The following CCDC192 variants were observed in gnomAD, a reference collection of about 807,000 sequenced individuals.
CCDC192 encodes the protein coiled-coil domain containing 192.
intron 3 of CCDC192, among the ~76,000 whole-genome samples, chr5:127,772,035 T>C (rs1040566194): frequency 4.6e-5 from 7 of 152,320 alleles, no homozygotes; most frequent in Admixed American, 2.0e-4. Context: ...TTTCTTCCAC[T>C]GCACAGGCCA....
At position 127,828,324 on chromosome 5, in the gene CCDC192, A is replaced by C. The variant is rs879398442; in HGVS notation, c.411+30162A>C. Among the ~76,000 whole-genome samples, 29 of 152,242 alleles carry C rather than the reference A, an allele frequency of 1.9e-4. 1 individual carries two copies. The highest frequency in any genetic ancestry group is 6.8e-4 in the African/African-American group (28 of 41,472). The stretch of plus-strand genomic sequence containing the variant: ...TATATGTGGTCTCGAGAAAAGGTTA[A>C]GCTTCTCCTGAGTAATTAGAAACCC... On this transcript the variant is annotated intron_variant, in intron 5 of 6. Coordinates refer to ENST00000514853, the MANE Select transcript of CCDC192 (RefSeq NM_001317938.2).
At chr5:127,906,997 T>G (rs1027157739) in intron 6 of CCDC192, among the ~76,000 whole-genome samples, 1 of 152,196 alleles carries the variant, frequency 6.6e-6, no homozygotes, top group Non-Finnish European at 1.5e-5. Flanking sequence ...TTGCTAACAA[T>G]TGATATTTTG....
intron 6 of CCDC192, among the ~76,000 whole-genome samples, chr5:127,915,332 C>T (rs1245800433): frequency 6.6e-6 from 1 of 152,212 alleles, no homozygotes; most frequent in Non-Finnish European, 1.5e-5. Flanking sequence ...TGCCCGCGGG[C>T]CACATACAGC....
At chr5:127,858,506 A>G (rs764805912) in intron 5 of CCDC192, among the ~76,000 whole-genome samples, 4 of 152,220 alleles carry the variant, frequency 2.6e-5, no homozygotes, top group Admixed American at 6.5e-5. Context: ...TCATTCCCTC[A>G]TAATACTTGT....
At chr5:127,897,647 AT>A (rs1250407539) in intron 6 of CCDC192, among the ~76,000 whole-genome samples, 2 of 152,132 alleles carry the variant, frequency 1.3e-5, no homozygotes, top group Non-Finnish European at 2.9e-5. Context: ...CATACATCGT[AT>A]TTTGGGTTTT....
intron 6 of CCDC192, among the ~76,000 whole-genome samples, chr5:127,899,857 G>A (rs183120351): frequency 1.2e-3 from 183 of 152,332 alleles, no homozygotes; most frequent in Non-Finnish European, 2.1e-3. Flanking sequence ...ATCACAAGGG[G>A]ACACAGGTCC....
At chr5:127,870,300 A>G (rs1265492125) in intron 5 of CCDC192, among the ~76,000 whole-genome samples, 1 of 152,210 alleles carries the variant, frequency 6.6e-6, no homozygotes, top group Non-Finnish European at 1.5e-5. Context: ...TTGGCAACTC[A>G]TGCAATAAAT....
At chr5:127,883,100 T>C (rs1752420640) in intron 6 of CCDC192, among the ~76,000 whole-genome samples, 1 of 152,236 alleles carries the variant, frequency 6.6e-6, no homozygotes, top group Admixed American at 6.5e-5. Flanking sequence ...CTCAGGTTGA[T>C]ATGTAGTCAA....
intron 5 of CCDC192, among the ~76,000 whole-genome samples, chr5:127,868,280 A>C (rs1751700178): frequency 6.6e-6 from 1 of 152,192 alleles, no homozygotes; most frequent in South Asian, 2.1e-4. Flanking sequence ...ATGGCCAAGG[A>C]GCAGCATAAT....
At chr5:127,729,011 A>G (rs1163647993) in intron 2 of CCDC192, among the ~76,000 whole-genome samples, 1 of 152,084 alleles carries the variant, frequency 6.6e-6, no homozygotes, top group Admixed American at 6.5e-5. Context: ...AGTTCAAGCA[A>G]TTCTCCTGAC....
intron 5 of CCDC192, among the ~76,000 whole-genome samples, chr5:127,821,736 T>C (rs1749302176): frequency 6.6e-6 from 1 of 152,136 alleles, no homozygotes; most frequent in Admixed American, 6.5e-5. Context: ...TTAGACCCAA[T>C]GATGTTTGAA....
chr5:127,747,522 T>C (rs1277008875), intron 2 of CCDC192, among the ~76,000 whole-genome samples: 1 of 152,116 alleles, frequency 6.6e-6, no homozygotes, highest in East Asian at 1.9e-4. Flanking sequence ...GGCATTTGGG[T>C]TGGTTCCAAG....
chr5:127,727,783 C>A (rs1231583790), intron 2 of CCDC192, among the ~76,000 whole-genome samples: 1 of 152,132 alleles, frequency 6.6e-6, no homozygotes, highest in Non-Finnish European at 1.5e-5. Context: ...TGCAAAGAAG[C>A]TAAGAACCAC....
intron 3 of CCDC192, among the ~76,000 whole-genome samples, chr5:127,765,892 G>A (rs1166019397): frequency 6.6e-6 from 1 of 152,100 alleles, no homozygotes; most frequent in Non-Finnish European, 1.5e-5. Flanking sequence ...TCCATATTAT[G>A]GAGACTCTTC....
At chr5:127,826,043 T>C (rs1749514506) in intron 5 of CCDC192, among the ~76,000 whole-genome samples, 1 of 152,232 alleles carries the variant, frequency 6.6e-6, no homozygotes, top group South Asian at 2.1e-4. Flanking sequence ...ATTATTTGGA[T>C]ATTTGGTTGA....
At chr5:127,806,458 T>C (rs992269836) in intron 5 of CCDC192, among the ~76,000 whole-genome samples, 2 of 152,124 alleles carry the variant, frequency 1.3e-5, no homozygotes, top group Non-Finnish European at 2.9e-5. Flanking sequence ...TAGTCTTTGC[T>C]TAGCTATTTG....
At chr5:127,715,157 T>C (rs1014061974) in intron 2 of CCDC192, among the ~76,000 whole-genome samples, 1 of 152,210 alleles carries the variant, frequency 6.6e-6, no homozygotes, top group Non-Finnish European at 1.5e-5. Context: ...ATTTTGCTTT[T>C]GTTACACATG....
chr5:127,717,560 A>G (rs1751694785), intron 2 of CCDC192, among the ~76,000 whole-genome samples: 1 of 152,100 alleles, frequency 6.6e-6, no homozygotes, highest in South Asian at 2.1e-4. Flanking sequence ...GATTATCATT[A>G]ATTTTTTGAA....
At chr5:127,890,510 A>T (rs1412816465) in intron 6 of CCDC192, among the ~76,000 whole-genome samples, 1 of 151,200 alleles carries the variant, frequency 6.6e-6, no homozygotes, top group Admixed American at 6.6e-5. Flanking sequence ...GCTCAAGTCC[A>T]CTGTTGCTTA....
Sources: gnomAD v4.1 joint callset for allele counts (sites outside exome capture counted in the v4.1 genomes callset) on GRCh38, gnomAD v4.1.1 for gene constraint, MANE v1.5 for transcripts, NCBI Gene and HGNC (gene_info 2026-07-23, HGNC 2026-07-21) for gene names.